MALRD1: variants seen among roughly 807,000 people sequenced by gnomAD.
MALRD1 encodes the protein MAM and LDL-receptor class A domain-containing protein 1.
A neutral mutation model predicts 242.1 loss-of-function variants in MALRD1; 247 were observed. The ratio of observed to expected loss-of-function variants is 1.02; its 90% confidence interval spans 0.92 to 1.13. The LOEUF is 1.13. MALRD1 is among the 50% of genes most tolerant of loss of function. MALRD1 has a pLI of 0.00. For missense variants in MALRD1, 2,989 were observed against 2,533.1 expected (o/e 1.18, Z -3.86); for synonymous variants, 995 against 866.6 (o/e 1.15, Z -2.60).
At chr10:19,707,196 C>G (rs574544917) in intron 38 of MALRD1, among the ~76,000 whole-genome samples, 17 of 151,676 alleles carry the variant, frequency 1.1e-4, no homozygotes, top group Middle Eastern at 3.4e-3. Context: ...CCTCCTCCTT[C>G]TCTTCCTCCT....
chr10:19,240,914 C>T (rs1838737144), intron 18 of MALRD1, among the ~76,000 whole-genome samples: 1 of 152,042 alleles, frequency 6.6e-6, no homozygotes, highest in African/African-American at 2.4e-5. Flanking sequence ...GGATGAATCC[C>T]ACTTGATTAT....
At chr10:19,353,831 G>A (rs1037508550) in intron 26 of MALRD1, among the ~76,000 whole-genome samples, 6 of 152,086 alleles carry the variant, frequency 3.9e-5, no homozygotes, top group Non-Finnish European at 8.8e-5. Context: ...TAATCTTGTA[G>A]CATCCAGTTG....
intron 32 of MALRD1, among the ~76,000 whole-genome samples, chr10:19,540,191 G>T (rs925772415): frequency 6.6e-6 from 1 of 151,974 alleles, no homozygotes; most frequent in African/African-American, 2.4e-5. Context: ...AGATGTTTCC[G>T]GAACCCCTTC....
intron 32 of MALRD1, among the ~76,000 whole-genome samples, chr10:19,531,609 TA>T (rs914021018): frequency 4.5e-4 from 68 of 152,272 alleles, no homozygotes; most frequent in African/African-American, 1.6e-3. Context: ...TATCTGGAGA[TA>T]AAAGAGTTTG....
chr10:19,396,123 T>C (rs1304861069), intron 28 of MALRD1, among the ~76,000 whole-genome samples: 1 of 145,590 alleles, frequency 6.9e-6, no homozygotes, highest in Non-Finnish European at 1.5e-5. Context: ...ATTCATTCCT[T>C]CGTTTCTTTT....
intron 36 of MALRD1, among the ~76,000 whole-genome samples, chr10:19,680,973 C>T (rs1265171638): frequency 6.6e-6 from 1 of 152,128 alleles, no homozygotes; most frequent in African/African-American, 2.4e-5. Context: ...TATTGGCCTC[C>T]CGATATCTTT....
chr10:19,082,786 G>T (rs1449657324), intron 2 of MALRD1, among the ~76,000 whole-genome samples: 1 of 151,928 alleles, frequency 6.6e-6, no homozygotes, highest in African/African-American at 2.4e-5. Context: ...TTTGTTTGTT[G>T]TTAATTTAGT....
chr10:19,218,065 G>T (rs892494119), intron 18 of MALRD1, among the ~76,000 whole-genome samples: 2 of 151,962 alleles, frequency 1.3e-5, no homozygotes, highest in African/African-American at 4.8e-5. Context: ...GTTCAAAAGA[G>T]TTCCTTAGTG....
chr10:19,607,635 A>G (rs939979506), intron 34 of MALRD1, 142 bp from the exon 35 acceptor site: 27 of 1,169,056 alleles, frequency 2.3e-5, no homozygotes, highest in Middle Eastern at 2.7e-4. Flanking sequence ...ATTCTTCAAA[A>G]AGAACTGTGT....
At chr10:19,356,726 G>T (rs2131015136) in intron 26 of MALRD1, among the ~76,000 whole-genome samples, 1 of 152,154 alleles carries the variant, frequency 6.6e-6, no homozygotes, top group Admixed American at 6.5e-5. Context: ...GCACTTTTGG[G>T]CCTGTCTCTG....
intron 21 of MALRD1, among the ~76,000 whole-genome samples, chr10:19,315,192 A>C (rs1246480067): frequency 1.0e-4 from 13 of 125,726 alleles, no homozygotes; most frequent in Admixed American, 3.6e-4. Flanking sequence ...ATATAAATAT[A>C]ATTTATAGAA....
intron 36 of MALRD1, among the ~76,000 whole-genome samples, chr10:19,680,916 A>T (rs1349511965): frequency 6.6e-6 from 1 of 152,126 alleles, no homozygotes; most frequent in Non-Finnish European, 1.5e-5. Flanking sequence ...TAATTTGGCC[A>T]GATATGAAAT....
chr10:19,119,701 A>T (rs757860795), intron 5 of MALRD1, among the ~76,000 whole-genome samples: 148 of 152,168 alleles, frequency 9.7e-4, no homozygotes, highest in Non-Finnish European at 1.4e-3. Flanking sequence ...CAGCTGCATG[A>T]CTCCTAAACT....
intron 19 of MALRD1, among the ~76,000 whole-genome samples, chr10:19,265,138 C>G (rs1406666202): frequency 6.6e-6 from 1 of 151,880 alleles, no homozygotes; most frequent in Non-Finnish European, 1.5e-5. Flanking sequence ...TTTTTCTTAT[C>G]TAAATGGTTG....
At chr10:19,466,072 G>A (rs1053894804) in intron 29 of MALRD1, among the ~76,000 whole-genome samples, 7 of 152,064 alleles carry the variant, frequency 4.6e-5, no homozygotes, top group Non-Finnish European at 8.8e-5. Flanking sequence ...TAATAATGGG[G>A]TTGAATGTTT....
chr10:19,369,407 C>CAT (rs1199374202), intron 26 of MALRD1, among the ~76,000 whole-genome samples: 2 of 147,338 alleles, frequency 1.4e-5, no homozygotes. Flanking sequence ...TAAATGCACA[C>CAT]ACACATTCTT....
intron 33 of MALRD1, among the ~76,000 whole-genome samples, chr10:19,571,729 C>T (rs185421561): frequency 3.0e-4 from 45 of 152,224 alleles, no homozygotes; most frequent in African/African-American, 9.6e-4. Flanking sequence ...GTTCATACTT[C>T]AGCCCTTAGG....
intron 28 of MALRD1, among the ~76,000 whole-genome samples, chr10:19,413,572 A>AT (rs397736729): frequency 6.6e-6 from 1 of 151,062 alleles, no homozygotes; most frequent in Non-Finnish European, 1.5e-5. Flanking sequence ...TGAAAAAAAA[A>AT]GGATTTTAGG....
At chr10:19,187,184 A>G (rs1835776591) in intron 14 of MALRD1, among the ~76,000 whole-genome samples, 1 of 152,184 alleles carries the variant, frequency 6.6e-6, no homozygotes, top group African/African-American at 2.4e-5. Flanking sequence ...AGCTCTGTAA[A>G]ATAAGGCATA....
Sources: allele counts gnomAD v4.1 joint callset (sites outside exome capture counted in the v4.1 genomes callset), GRCh38; gene constraint gnomAD v4.1.1; transcripts MANE v1.5; gene names NCBI Gene and HGNC (gene_info 2026-07-23, HGNC 2026-07-21).